The following EDIL3 variants were observed in gnomAD, a reference collection of about 807,000 sequenced individuals.
The protein encoded by EDIL3 is EGF like and discoidin domains 3.
EDIL3 carries 37 observed loss-of-function variants against 67.4 expected under a neutral mutation model. That is an observed-to-expected ratio of 0.55 (90% confidence interval 0.42 to 0.72). EDIL3 has a LOEUF of 0.72. Among genes scored for constraint, EDIL3 ranks in the 30% least tolerant of loss-of-function variants. The probability of loss-of-function intolerance (pLI) is 0.00; values close to 1 mark genes in which losing one functional copy is unlikely to be tolerated. For synonymous variants in EDIL3, 195 were observed against 196.3 expected (o/e 0.99, Z 0.05); for missense variants, 527 against 586.3 (o/e 0.90, Z 1.04).
chr5:84,009,908 C>T (rs1444065083), intron 9 of EDIL3, among the ~76,000 whole-genome samples: 1 of 152,230 alleles, frequency 6.6e-6, no homozygotes, highest in Non-Finnish European at 1.5e-5. Context: ...TGGGAGACCA[C>T]TACCACCAAT....
chr5:84,172,803 T>C (rs893837229), intron 4 of EDIL3, among the ~76,000 whole-genome samples: 14 of 152,008 alleles, frequency 9.2e-5, no homozygotes, highest in African/African-American at 3.4e-4. Context: ...CCAACAACAA[T>C]GATAAGCTAA....
intron 3 of EDIL3, among the ~76,000 whole-genome samples, chr5:84,181,785 C>CA (rs1482922861): frequency 1.3e-5 from 2 of 151,952 alleles, no homozygotes; most frequent in African/African-American, 4.8e-5. Flanking sequence ...AAGACAAAAA[C>CA]AAAAAACTAC....
intron 9 of EDIL3, among the ~76,000 whole-genome samples, chr5:83,972,747 C>A (rs1215489320): frequency 6.6e-6 from 1 of 151,934 alleles, no homozygotes; most frequent in African/African-American, 2.4e-5. Flanking sequence ...AAATTATAAA[C>A]CTTATTAACA....
chr5:84,086,508 T>G (rs1449478809), intron 6 of EDIL3, among the ~76,000 whole-genome samples: 1 of 152,130 alleles, frequency 6.6e-6, no homozygotes, highest in African/African-American at 2.4e-5. Flanking sequence ...TCCAGTGAGA[T>G]GAACTGGGTA....
At chr5:84,213,401 T>A (rs892033495) in intron 3 of EDIL3, among the ~76,000 whole-genome samples, 4 of 152,214 alleles carry the variant, frequency 2.6e-5, no homozygotes, top group African/African-American at 9.6e-5. Flanking sequence ...AATTATGAAA[T>A]GAAATAGTTT....
At chr5:84,276,044 G>C (rs1745577891) in intron 1 of EDIL3, among the ~76,000 whole-genome samples, 1 of 151,982 alleles carries the variant, frequency 6.6e-6, no homozygotes, top group Admixed American at 6.6e-5. Flanking sequence ...TGTGTTGCTG[G>C]GATCTCTCTT....
intron 9 of EDIL3, among the ~76,000 whole-genome samples, chr5:83,987,328 A>G (rs1745072987): frequency 1.3e-5 from 2 of 152,170 alleles, no homozygotes; most frequent in Non-Finnish European, 2.9e-5. Flanking sequence ...GAAAGAATGC[A>G]TTCTGGTAAC....
intron 2 of EDIL3, among the ~76,000 whole-genome samples, chr5:84,237,780 A>T (rs1355100829): frequency 6.6e-6 from 1 of 152,172 alleles, no homozygotes; most frequent in East Asian, 1.9e-4. Flanking sequence ...TTTTTAAAAA[A>T]AGGACTATGC....
At chr5:84,048,410 CA>C (rs1054902174) in intron 9 of EDIL3, 1 of 247,096 alleles carries the variant, frequency 4.0e-6, no homozygotes, top group Non-Finnish European at 8.2e-6. Context: ...AGCTTAAATT[CA>C]ATTGATTTCT....
intron 9 of EDIL3, among the ~76,000 whole-genome samples, chr5:83,977,872 A>G (rs1172768186): frequency 6.6e-6 from 1 of 151,852 alleles, no homozygotes; most frequent in Non-Finnish European, 1.5e-5. Flanking sequence ...ATAAAAGGCG[A>G]TTTCTTTTAA....
At chr5:84,182,060 A>G (rs1262384539) in intron 3 of EDIL3, among the ~76,000 whole-genome samples, 1 of 152,070 alleles carries the variant, frequency 6.6e-6, no homozygotes, top group Non-Finnish European at 1.5e-5. Flanking sequence ...ACTTGAGTCA[A>G]CTGGGTTGGG....
At chr5:84,128,973 G>A (rs781706897) in intron 5 of EDIL3, among the ~76,000 whole-genome samples, 3 of 152,042 alleles carry the variant, frequency 2.0e-5, no homozygotes, top group Admixed American at 6.6e-5. Flanking sequence ...ATGAGAATAC[G>A]ACTCCATTTG....
chr5:84,093,632 G>T (rs993687623), intron 6 of EDIL3, among the ~76,000 whole-genome samples: 3 of 149,460 alleles, frequency 2.0e-5, no homozygotes, highest in South Asian at 4.2e-4. Context: ...AGTGGGAGAG[G>T]AAGCAGAAGA....
intron 9 of EDIL3, among the ~76,000 whole-genome samples, chr5:84,014,642 TCAAACAAA>T (rs144953064): frequency 3.3e-4 from 50 of 152,066 alleles, no homozygotes; most frequent in Middle Eastern, 3.4e-3. Context: ...AGACTCCGTC[TCAAACAAA>T]CAAACAAACA....
intron 10 of EDIL3, among the ~76,000 whole-genome samples, chr5:83,954,521 G>A (rs1744478133): frequency 6.6e-6 from 1 of 151,600 alleles, no homozygotes; most frequent in Non-Finnish European, 1.5e-5. Flanking sequence ...GCCACGTGAT[G>A]AGCCTTCTCC....
intron 4 of EDIL3, 127 bp downstream of exon 4, chr5:84,180,266 G>A: frequency 9.5e-7 from 1 of 1,048,230 alleles, no homozygotes; most frequent in African/African-American, 1.6e-5. Context: ...GAGAGAAGCA[G>A]CATTAGCCAA....
Position 84,275,541 on chromosome 5 carries a change from C to T in EDIL3, c.68-21329G>A, listed in dbSNP as rs912902026. On this transcript the variant is annotated intron_variant, in intron 1 of 10. Transcript: ENST00000296591. ...TGTATAAGTTATCATGTGTTGGTCT[C>T]ATTTACAAACTGAATTTCTACTGAC... 2.0e-5 allele frequency among the ~76,000 whole-genome samples: 3 copies of T among 152,208 alleles called. No individual in the cohort carries two copies. The South Asian group carries it at 6.2e-4, about 31-fold the overall frequency.
At chr5:84,298,195 G>A (rs1201007693) in intron 1 of EDIL3, among the ~76,000 whole-genome samples, 1 of 152,080 alleles carries the variant, frequency 6.6e-6, no homozygotes, top group Non-Finnish European at 1.5e-5. Context: ...ATTCCTTGCA[G>A]CACTATTCAC....
chr5:84,247,931 T>A (rs1744942604), intron 2 of EDIL3, among the ~76,000 whole-genome samples: 1 of 152,122 alleles, frequency 6.6e-6, no homozygotes, highest in Admixed American at 6.6e-5. Flanking sequence ...TTTTTCCAAG[T>A]GATAATGAAT....
Sources: gnomAD v4.1 joint callset for allele counts (sites outside exome capture counted in the v4.1 genomes callset) on GRCh38, gnomAD v4.1.1 for gene constraint, MANE v1.5 for transcripts, NCBI Gene and HGNC (gene_info 2026-07-23, HGNC 2026-07-21) for gene names.